Variants in THSD7B observed in about 807,000 individuals in gnomAD.
THSD7B encodes the protein thrombospondin type-1 domain-containing protein 7B.
Under a neutral mutation model 213.6 loss-of-function variants are expected in THSD7B, and 138 were observed. The ratio of observed to expected loss-of-function variants is 0.65; its 90% CI spans 0.56 to 0.74. The LOEUF is 0.74. Ranked by LOEUF, THSD7B falls within the 30% of genes least tolerant of loss-of-function variation. The pLI is 0.00. For missense variants in THSD7B, 1,931 were observed against 1,991.5 expected, an observed-to-expected ratio of 0.97 and a Z score of 0.58; for synonymous variants, 742 against 687.0, an observed-to-expected ratio of 1.08 and a Z score of -1.25.
chr2:137,158,939 T>TA (rs1157819365), intron 5 of THSD7B, among the ~76,000 whole-genome samples: 1 of 152,140 alleles, frequency 6.6e-6, no homozygotes, highest in East Asian at 1.9e-4. Context: ...AACCATTTGT[T>TA]AAAAAAAACT....
At chr2:136,964,612 C>G (rs1685282247) in intron 2 of THSD7B, among the ~76,000 whole-genome samples, 1 of 152,096 alleles carries the variant, frequency 6.6e-6, no homozygotes. Flanking sequence ...ATATTCTCAT[C>G]CCTATGCAAA....
At chr2:137,402,038 C>T (rs1356788292) in intron 12 of THSD7B, among the ~76,000 whole-genome samples, 2 of 152,152 alleles carry the variant, frequency 1.3e-5, no homozygotes, top group African/African-American at 4.8e-5. Flanking sequence ...TGTACATATA[C>T]TTGCTTGGAG....
intron 1 of THSD7B, among the ~76,000 whole-genome samples, chr2:136,834,200 G>A (rs1682808001): frequency 6.6e-6 from 1 of 152,176 alleles, no homozygotes; most frequent in Non-Finnish European, 1.5e-5. Flanking sequence ...GGCCAGAGAG[G>A]ACCCAGCCCC....
chr2:137,154,620 C>T (rs1679878693), intron 5 of THSD7B, among the ~76,000 whole-genome samples: 1 of 151,948 alleles, frequency 6.6e-6, no homozygotes, highest in Admixed American at 6.6e-5. Context: ...AATGTATACT[C>T]ATTGATTCTT....
chr2:137,555,219 A>G (rs922584474), intron 15 of THSD7B, among the ~76,000 whole-genome samples: 1 of 152,148 alleles, frequency 6.6e-6, no homozygotes, highest in Non-Finnish European at 1.5e-5. Flanking sequence ...ATGGAGTTTG[A>G]GATTGGAGAA....
chr2:137,166,748 C>T (rs1426612702), intron 6 of THSD7B, among the ~76,000 whole-genome samples: 1 of 152,168 alleles, frequency 6.6e-6, no homozygotes, highest in South Asian at 2.1e-4. Flanking sequence ...ATTTTCCATC[C>T]TTGTCTGCTA....
chr2:136,885,203 G>A (rs1258741555), intron 2 of THSD7B, among the ~76,000 whole-genome samples: 1 of 152,110 alleles, frequency 6.6e-6, no homozygotes, highest in Non-Finnish European at 1.5e-5. Context: ...GGTTTTGATT[G>A]CTGTGTCAAC....
At chr2:137,303,841 G>A (rs12993562) in intron 12 of THSD7B, among the ~76,000 whole-genome samples, 54,673 of 148,522 alleles carry the variant, frequency 0.37, 10,713 homozygotes, top group Non-Finnish European at 0.43. Context: ...TAAGTTCGGG[G>A]ATCCATGTGC....
intron 14 of THSD7B, among the ~76,000 whole-genome samples, chr2:137,427,429 C>A (rs1255233447): frequency 6.6e-6 from 1 of 151,508 alleles, no homozygotes; most frequent in Admixed American, 6.6e-5. Context: ...TGAATGGATA[C>A]AATAAATAAA....
intron 9 of THSD7B, among the ~76,000 whole-genome samples, chr2:137,241,203 C>A (rs1022687164): frequency 5.3e-5 from 8 of 152,194 alleles, no homozygotes; most frequent in Admixed American, 5.2e-4. Context: ...CAATACAGAG[C>A]TCACACTATT....
chr2:136,933,106 C>CCCTTCCTTCCTTCCTTCCTTCCTT (rs1409957040), intron 2 of THSD7B, among the ~76,000 whole-genome samples: 1 of 98,918 alleles, frequency 1.0e-5, no homozygotes, highest in Non-Finnish European at 2.0e-5. Context: ...ATTTTGCCCG[C>CCCTTCCTTCCTTCCTTCCTTCCTT]CATTCCTTCC....
intron 2 of THSD7B, among the ~76,000 whole-genome samples, chr2:136,927,204 C>T (rs1005687147): frequency 5.9e-5 from 9 of 151,290 alleles, no homozygotes; most frequent in Non-Finnish European, 1.2e-4. Context: ...GCTTCTCCCT[C>T]CCACTGTTTC....
intron 27 of THSD7B, among the ~76,000 whole-genome samples, chr2:137,675,442 A>G (rs1438252254): frequency 5.7e-5 from 6 of 105,122 alleles, no homozygotes; most frequent in African/African-American, 2.1e-4. Flanking sequence ...ATATATATAT[A>G]TATATGCGGA....
chr2:136,909,240 A>G (rs1220563692), intron 2 of THSD7B, among the ~76,000 whole-genome samples: 4 of 152,054 alleles, frequency 2.6e-5, no homozygotes, highest in African/African-American at 9.7e-5. Flanking sequence ...AGCTTATAAC[A>G]CCCAAGGCAA....
At chr2:137,636,930 C>A (rs751553785) in intron 20 of THSD7B, among the ~76,000 whole-genome samples, 2 of 152,178 alleles carry the variant, frequency 1.3e-5, no homozygotes, top group Non-Finnish European at 2.9e-5. Flanking sequence ...TCAAGTGATC[C>A]CCCTGCCTCA....
intron 15 of THSD7B, among the ~76,000 whole-genome samples, chr2:137,544,288 A>T (rs988717117): frequency 1.2e-4 from 18 of 151,790 alleles, no homozygotes; most frequent in African/African-American, 4.1e-4. Flanking sequence ...ATAATGAAAT[A>T]TGTGTTCATG....
chr2:137,107,938 TC>T (rs1307064857), intron 4 of THSD7B, among the ~76,000 whole-genome samples: 1 of 152,182 alleles, frequency 6.6e-6, no homozygotes, highest in East Asian at 1.9e-4. Flanking sequence ...ATTTTAGTCA[TC>T]TGTTCAGCAA....
chr2:137,278,679 T>C (rs1682928684), intron 12 of THSD7B, among the ~76,000 whole-genome samples: 1 of 152,068 alleles, frequency 6.6e-6, no homozygotes, highest in Non-Finnish European at 1.5e-5. Flanking sequence ...TTCACTAGGC[T>C]TATGTGGTGA....
chr2:137,524,062 T>C (rs948456201), intron 15 of THSD7B, among the ~76,000 whole-genome samples: 1 of 152,152 alleles, frequency 6.6e-6, no homozygotes, highest in African/African-American at 2.4e-5. Flanking sequence ...AAACTGCATA[T>C]GTGTTTACTG....
Sources: gnomAD v4.1 joint callset for allele counts (sites outside exome capture counted in the v4.1 genomes callset) on GRCh38, gnomAD v4.1.1 for gene constraint, MANE v1.5 for transcripts, NCBI Gene and HGNC (gene_info 2026-07-23, HGNC 2026-07-21) for gene names.